The following FGL1 variants were observed in gnomAD, a reference collection of about 807,000 sequenced individuals.
FGL1 encodes the protein fibrinogen-like protein 1.
In FGL1, 59 loss-of-function variants were observed where a neutral mutation model predicts 43.7. That is an observed-to-expected ratio of 1.35 (90% CI 1.10 to 1.68). FGL1 has a LOEUF of 1.68. FGL1 is among the 40% of genes most tolerant of loss of function. The pLI, the probability that FGL1 is intolerant of heterozygous loss-of-function variation, is 0.00. For missense variants in FGL1, 596 were observed against 373.0 expected (o/e 1.60, Z -4.92); for synonymous variants, 192 against 126.5 (o/e 1.52, Z -3.48).
At chr8:17,895,292 C>T (rs1338703255) in intron 1 of FGL1, 155 bp downstream of exon 1, 52 of 1,057,334 alleles carry the variant, frequency 4.9e-5, no homozygotes, top group Non-Finnish European at 5.8e-5. Flanking sequence ...TTCTAAATCT[C>T]TTCTCCAAGT....
intron 7 of FGL1, among the ~76,000 whole-genome samples, chr8:17,867,319 ACT>A (rs2053284151): frequency 6.6e-6 from 1 of 152,200 alleles, no homozygotes; most frequent in Non-Finnish European, 1.5e-5. Context: ...CAAAAGAACC[ACT>A]GAGTACCCAC....
At chr8:17,888,281 A>C (rs900970400) in intron 1 of FGL1, among the ~76,000 whole-genome samples, 3 of 152,212 alleles carry the variant, frequency 2.0e-5, no homozygotes, top group Admixed American at 2.0e-4. Flanking sequence ...ACCAAATTAG[A>C]AGAAAAGATG....
At chr8:17,883,354 T>C (rs1296960491) in intron 2 of FGL1, among the ~76,000 whole-genome samples, 1 of 39,930 alleles carries the variant, frequency 2.5e-5, no homozygotes, top group African/African-American at 8.1e-5. Flanking sequence ...TATAATATAA[T>C]AATAATATAT....
In FGL1 at chr8:17,882,273, G is replaced by A. The variant is rs922153771; in HGVS notation, c.64-94C>T. On this transcript the variant is annotated intron_variant, in intron 2 of 7. Coordinates refer to ENST00000427924, the MANE Select transcript of FGL1 (RefSeq NM_004467.4). ...TTGGATAAATCAGTGATTCCATTTT[G>A]TCTCCAGTTCCCATTTCAGAATATT... The A allele has an allele frequency of 7.7e-6, 9 of 1,162,830 alleles. No homozygotes were observed. In the African/African-American group the frequency reaches 1.2e-4, roughly 16 times the overall value. The allele number at this position is 1,162,830 out of a possible 1,614,324, so 72.0% of individuals were successfully genotyped here.
chr8:17,866,589 A>G (rs949703873), intron 7 of FGL1, among the ~76,000 whole-genome samples: 1 of 152,200 alleles, frequency 6.6e-6, no homozygotes, highest in African/African-American at 2.4e-5. Context: ...TTCCAAGGAT[A>G]ATGTGGGCTC....
At position 17,882,882 on chromosome 8, in the gene FGL1, A is replaced by ATCTCATATATAATATATTAAATAATATAT. The variant is rs2053561644; in HGVS notation, c.64-704_64-703insATATATTATTTAATATATTATATATGAGA. 5.8e-5 allele frequency among the ~76,000 whole-genome samples: 4 copies of ATCTCATATATAATATATTAAATAATATAT among 68,416 alleles called. 1 individual carries two copies. The highest frequency in any genetic ancestry group is 7.2e-4 in the East Asian group (2 of 2,788). The allele number at this position is 68,416 out of a possible 152,430, so 44.9% of individuals were successfully genotyped here. On this transcript the variant is annotated intron_variant, in intron 2 of 7. Coordinates refer to ENST00000427924, the MANE Select transcript of FGL1 (RefSeq NM_004467.4). ...ATATATAATATATTAAATAATATAT[A>ATCTCATATATAATATATTAAATAATATAT]ATATATCTCATATATAATATATTAA...
intron 1 of FGL1, among the ~76,000 whole-genome samples, chr8:17,888,742 G>A (rs1373055919): frequency 2.0e-5 from 3 of 152,054 alleles, no homozygotes; most frequent in African/African-American, 7.2e-5. Context: ...TTATTAAGAA[G>A]TAAAAACCAT....
At chr8:17,873,952 G>C (rs1399946075) in intron 5 of FGL1, 67 bp downstream of exon 5, 24 of 1,222,310 alleles carry the variant, frequency 2.0e-5, no homozygotes, top group Non-Finnish European at 2.7e-5. Context: ...CTATAATTTG[G>C]TTAAAAAAAA....
At chr8:17,877,564 T>C (rs1005980174) in intron 3 of FGL1, among the ~76,000 whole-genome samples, 4 of 151,214 alleles carry the variant, frequency 2.6e-5, no homozygotes, top group Non-Finnish European at 4.4e-5. Context: ...TGTTGGGATA[T>C]GCGAGAACTG....
intron 1 of FGL1, among the ~76,000 whole-genome samples, chr8:17,887,140 T>C (rs1189484005): frequency 6.8e-6 from 1 of 146,168 alleles, no homozygotes; most frequent in Non-Finnish European, 1.5e-5. Flanking sequence ...GCTTCTTCTC[T>C]TGCAGCCAGG....
intron 1 of FGL1, among the ~76,000 whole-genome samples, chr8:17,886,770 A>G (rs1173683974): frequency 8.8e-6 from 1 of 113,502 alleles, no homozygotes; most frequent in Non-Finnish European, 2.0e-5. Context: ...AAGAAACGAA[A>G]TGAGAGGAGA....
At chr8:17,870,956 C>CCGG in intron 5 of FGL1, among the ~76,000 whole-genome samples, 1 of 45,150 alleles carries the variant, frequency 2.2e-5, no homozygotes, top group Non-Finnish European at 5.7e-5. Flanking sequence ...GGTGCACACA[C>CCGG]CAGGACGAGA....
intron 7 of FGL1, among the ~76,000 whole-genome samples, chr8:17,867,826 T>C (rs1403243950): frequency 6.6e-6 from 1 of 152,146 alleles, no homozygotes; most frequent in Non-Finnish European, 1.5e-5. Flanking sequence ...GCCCAACACT[T>C]TGGGAGGCCG....
intron 7 of FGL1, among the ~76,000 whole-genome samples, chr8:17,865,784 C>G (rs954487148): frequency 2.3e-4 from 35 of 152,204 alleles, no homozygotes; most frequent in African/African-American, 8.2e-4. Context: ...AGAACATTCA[C>G]AAGAGGTAGT....
chr8:17,871,155 T>G (rs1421818194), intron 5 of FGL1, among the ~76,000 whole-genome samples: 1 of 151,688 alleles, frequency 6.6e-6, no homozygotes, highest in Non-Finnish European at 1.5e-5. Flanking sequence ...GACTGTAGAG[T>G]GTATAAGAGC....
At chr8:17,874,950 T>C (rs1288404262) in intron 3 of FGL1, among the ~76,000 whole-genome samples, 1 of 152,102 alleles carries the variant, frequency 6.6e-6, no homozygotes, top group African/African-American at 2.4e-5. Flanking sequence ...CTGAGTTTTG[T>C]AGAAAACAAT....
At chr8:17,872,635 G>C (rs530156917) in intron 5 of FGL1, among the ~76,000 whole-genome samples, 2 of 152,188 alleles carry the variant, frequency 1.3e-5, no homozygotes, top group South Asian at 4.1e-4. Context: ...GTGTAACTTA[G>C]CATGCTTTTT....
At chr8:17,879,985 T>C (rs2053510692) in intron 3 of FGL1, among the ~76,000 whole-genome samples, 1 of 152,188 alleles carries the variant, frequency 6.6e-6, no homozygotes, top group Non-Finnish European at 1.5e-5. Flanking sequence ...CATCTACGAG[T>C]TCCTCGCCCT....
At chr8:17,874,176 C>T (rs1050663755) in intron 4 of FGL1, 60 bp from the exon 5 acceptor site, 3 of 1,418,094 alleles carry the variant, frequency 2.1e-6, no homozygotes, top group Admixed American at 1.9e-5. Context: ...CCAAAGCGAC[C>T]ACCACCCACC....
Sources: gnomAD v4.1 joint callset for allele counts (sites outside exome capture counted in the v4.1 genomes callset) on GRCh38, gnomAD v4.1.1 for gene constraint, MANE v1.5 for transcripts, NCBI Gene and HGNC (gene_info 2026-07-23, HGNC 2026-07-21) for gene names.